HHAT: variants seen among roughly 807,000 people sequenced by gnomAD.
HHAT encodes hedgehog acyltransferase.
HHAT carries 47 observed loss-of-function variants against 70.8 expected under a neutral mutation model. The observed-to-expected ratio is 0.66, with a 90% confidence interval of 0.53 to 0.85. The LOEUF is 0.85. Among genes scored for constraint, HHAT ranks in the 40% least tolerant of loss-of-function variants. The pLI is 0.00. For missense variants in HHAT, 609 were observed against 604.8 expected (o/e 1.01, Z -0.07); for synonymous variants, 228 against 247.6 (o/e 0.92, Z 0.74).
intron 10 of HHAT, among the ~76,000 whole-genome samples, chr1:210,608,802 GTC>G (rs745968931): frequency 1.3e-5 from 2 of 152,118 alleles, no homozygotes; most frequent in Admixed American, 6.5e-5. Flanking sequence ...TGAGGGCCCA[GTC>G]TCTCCCTCCA....
At chr1:210,503,291 C>A (rs2094794340) in intron 8 of HHAT, among the ~76,000 whole-genome samples, 1 of 152,088 alleles carries the variant, frequency 6.6e-6, no homozygotes, top group Admixed American at 6.6e-5. Context: ...ACTGCCTTGC[C>A]CATGCTCCTA....
At chr1:210,457,512 C>T (rs1377997695) in intron 7 of HHAT, among the ~76,000 whole-genome samples, 1 of 152,090 alleles carries the variant, frequency 6.6e-6, no homozygotes, top group Non-Finnish European at 1.5e-5. Flanking sequence ...AGCTGGTACA[C>T]GCAGATAGAG....
intron 10 of HHAT, among the ~76,000 whole-genome samples, chr1:210,604,684 G>C (rs149400587): frequency 6.6e-6 from 1 of 152,210 alleles, no homozygotes; most frequent in East Asian, 1.9e-4. Flanking sequence ...TCACCCTAGG[G>C]AGGTTTTGAT....
chr1:210,362,480 C>T (rs770730807), intron 2 of HHAT, among the ~76,000 whole-genome samples: 27 of 152,326 alleles, frequency 1.8e-4, no homozygotes, highest in Admixed American at 1.8e-3. Flanking sequence ...CCGTCTTGGC[C>T]TCCCAAAGTT....
intron 4 of HHAT, among the ~76,000 whole-genome samples, chr1:210,390,992 T>G (rs2091423517): frequency 6.6e-6 from 1 of 152,244 alleles, no homozygotes; most frequent in Non-Finnish European, 1.5e-5. Context: ...ATATAATGAC[T>G]TCTTTTCCTT....
intron 11 of HHAT, among the ~76,000 whole-genome samples, chr1:210,642,058 T>C (rs1673079843): frequency 6.6e-6 from 1 of 152,242 alleles, no homozygotes; most frequent in Non-Finnish European, 1.5e-5. Context: ...AATGTTTTGT[T>C]CCTAACCCTG....
chr1:210,418,737 A>G (rs1161825448), intron 7 of HHAT, among the ~76,000 whole-genome samples: 3 of 152,146 alleles, frequency 2.0e-5, no homozygotes, highest in Non-Finnish European at 2.9e-5. Context: ...TGCATAAGGT[A>G]TTAAAGAATA....
chr1:210,604,936 A>G (rs1558257801), intron 10 of HHAT, among the ~76,000 whole-genome samples: 1 of 152,190 alleles, frequency 6.6e-6, no homozygotes, highest in Non-Finnish European at 1.5e-5. Context: ...AGATCGCTTG[A>G]GGCCAGGAGT....
rs1273244792 is a variant in HHAT, at chr1:210,659,780, A to G, written c.1391-14508A>G. Reference sequence around the variant, plus strand: ...TGGTTCAACGTATGCAAATCAATAAATGTAATCCAGCATATAAACAGAACC... The same window carrying G: ...TGGTTCAACGTATGCAAATCAATAAGTGTAATCCAGCATATAAACAGAACC... On this transcript the variant is annotated intron_variant, in intron 11 of 11. Coordinates refer to ENST00000261458, the MANE Select transcript of HHAT (RefSeq NM_018194.6). Among the ~76,000 whole-genome samples the G allele has an allele frequency of 5.9e-5, 9 of 152,360 alleles. No individual in the cohort carries two copies. In the South Asian group the frequency reaches 1.7e-3, roughly 28 times the overall value.
At chr1:210,470,728 A>T (rs1051737856) in intron 8 of HHAT, among the ~76,000 whole-genome samples, 1 of 152,186 alleles carries the variant, frequency 6.6e-6, no homozygotes, top group African/African-American at 2.4e-5. Flanking sequence ...GAAGCACCAG[A>T]CATTTTCAGA....
chr1:210,482,734 A>G (rs1040357269), intron 8 of HHAT, among the ~76,000 whole-genome samples: 1 of 152,214 alleles, frequency 6.6e-6, no homozygotes, highest in Admixed American at 6.5e-5. Flanking sequence ...ATGCATTATT[A>G]AAGGCATGCA....
At chr1:210,562,988 T>C (rs1279822377) in intron 9 of HHAT, among the ~76,000 whole-genome samples, 1 of 152,046 alleles carries the variant, frequency 6.6e-6, no homozygotes, top group Non-Finnish European at 1.5e-5. Flanking sequence ...TGGGTTTTAT[T>C]GCCTCCACTA....
chr1:210,369,236 C>A (rs1243682344), intron 3 of HHAT, among the ~76,000 whole-genome samples: 1 of 152,196 alleles, frequency 6.6e-6, no homozygotes, highest in Admixed American at 6.5e-5. Context: ...GTAATCAATT[C>A]TGTTCTTTCC....
chr1:210,376,864 TCC>T (rs1466304318), intron 3 of HHAT, among the ~76,000 whole-genome samples: 1 of 152,194 alleles, frequency 6.6e-6, no homozygotes, highest in Non-Finnish European at 1.5e-5. Context: ...CCCTTCTTCT[TCC>T]CCTAGATAGA....
At chr1:210,380,052 T>G (rs2090513513) in intron 3 of HHAT, among the ~76,000 whole-genome samples, 2 of 152,236 alleles carry the variant, frequency 1.3e-5, no homozygotes, top group African/African-American at 4.8e-5. Context: ...TTCTCCCTCT[T>G]TCCCAGTAGA....
At chr1:210,665,079 A>G (rs1266536121) in intron 11 of HHAT, among the ~76,000 whole-genome samples, 2 of 152,136 alleles carry the variant, frequency 1.3e-5, no homozygotes, top group East Asian at 1.9e-4. Flanking sequence ...GTTGAAATTT[A>G]TCAGTTTCAT....
Position 210,595,996 on chromosome 1 carries a change from G to T in HHAT, c.1245+7897G>T, listed in dbSNP as rs373834662. 5.9e-5 allele frequency among the ~76,000 whole-genome samples: 9 copies of T among 152,186 alleles called. No homozygotes were observed. The South Asian group carries it at 1.2e-3, about 21-fold the overall frequency. On this transcript the variant is annotated intron_variant, in intron 10 of 11. Transcript: ENST00000261458. Reference sequence around the variant, plus strand: ...AATTAGATCCCATTTGTCAATTTTGGCTTTTGTTGCCATTGCTTTTGGTGT... The same window carrying T: ...AATTAGATCCCATTTGTCAATTTTGTCTTTTGTTGCCATTGCTTTTGGTGT...
chr1:210,464,875 T>G (rs2094066651), intron 8 of HHAT, among the ~76,000 whole-genome samples: 1 of 151,208 alleles, frequency 6.6e-6, no homozygotes, highest in Non-Finnish European at 1.5e-5. Context: ...TAAGAAAGTT[T>G]CTTTCTGAGT....
chr1:210,541,090 C>T (rs2148660196), intron 9 of HHAT, among the ~76,000 whole-genome samples: 1 of 152,298 alleles, frequency 6.6e-6, no homozygotes, highest in Non-Finnish European at 1.5e-5. Context: ...ATACGCCTGC[C>T]TCGGCCTCTC....
Sources: allele counts gnomAD v4.1 joint callset (sites outside exome capture counted in the v4.1 genomes callset), GRCh38; gene constraint gnomAD v4.1.1; transcripts MANE v1.5; gene names NCBI Gene and HGNC (gene_info 2026-07-23, HGNC 2026-07-21).